The following EGFR variants were observed in gnomAD, a reference collection of about 807,000 sequenced individuals.
EGFR encodes avian erythroblastic leukemia viral (v-erb-b) oncogene homolog.
Under a neutral mutation model 143.0 loss-of-function variants are expected in EGFR, and 58 were observed. The ratio of observed to expected loss-of-function variants is 0.41; its 90% CI spans 0.33 to 0.50. The LOEUF (loss-of-function observed/expected upper bound fraction) is 0.50. EGFR is among the 20% of genes least tolerant of loss of function. The pLI is 0.39. For missense variants in EGFR, 1,307 were observed against 1,579.0 expected (o/e 0.83, Z 2.92); for synonymous variants, 613 against 594.4 (o/e 1.03, Z -0.45).
intron 1 of EGFR, among the ~76,000 whole-genome samples, chr7:55,089,774 G>A (rs544550144): frequency 1.2e-3 from 190 of 152,092 alleles, no homozygotes; most frequent in Admixed American, 2.0e-3. Flanking sequence ...CTAACCTGCC[G>A]GAGCCCATGT....
In EGFR at chr7:55,088,783, A is replaced by G. The variant is rs186663585; in HGVS notation, c.89-53503A>G. On this transcript the variant is annotated intron_variant, in intron 1 of 27. Coordinates refer to ENST00000275493, the MANE Select transcript of EGFR (RefSeq NM_005228.5). ...TTGAAACCAAAATGTTATCCAACTC[A>G]GTCCTGTCCCTTTGACGATGAAAAC... is the stretch of plus-strand genomic sequence containing the variant. Among the ~76,000 whole-genome samples the G allele has an allele frequency of 5.5e-4, 84 of 152,326 alleles. 1 individual carries two copies. The highest frequency in any genetic ancestry group is 1.9e-3 in the African/African-American group (80 of 41,580).
intron 2 of EGFR, 73 bp from the exon 3 acceptor site, chr7:55,143,232 T>C: frequency 3.2e-6 from 5 of 1,571,952 alleles, no homozygotes; most frequent in Non-Finnish European, 4.4e-6. Context: ...TAGGGCTCCC[T>C]GGACCCATTT....
chr7:55,019,402 G>T, intron 1 of EGFR, 37 bp downstream of exon 1: 1 of 1,335,478 alleles, frequency 7.5e-7, no homozygotes, highest in East Asian at 3.7e-5. Context: ...CGCCGCCCCC[G>T]GATCGCGCCC....
chr7:55,038,338 T>TG (rs986336242), intron 1 of EGFR, among the ~76,000 whole-genome samples: 16 of 151,620 alleles, frequency 1.1e-4, no homozygotes, highest in African/African-American at 3.9e-4. Context: ...TTTGGAGGAG[T>TG]CTCACCCTGC....
chr7:55,127,325 T>C (rs1247150128), intron 1 of EGFR, among the ~76,000 whole-genome samples: 3 of 152,198 alleles, frequency 2.0e-5, no homozygotes, highest in Non-Finnish European at 4.4e-5. Context: ...GCCTTCTCAG[T>C]TGTTTCACCA....
At position 55,202,580 on chromosome 7, in the gene EGFR, G is replaced by C. The variant is rs764780987; in HGVS notation, c.3226G>C (p.Ala1076Pro). 3.7e-6 allele frequency: 6 copies of C among 1,613,338 alleles called. No individual in the cohort carries two copies. The African/African-American group carries it at 8.0e-5, about 22-fold the overall frequency. Residue 1076 changes from alanine to proline, a missense_variant, in exon 27 of 28, where the codon GCC (alanine) becomes CCC (proline). Physicochemically the swap from Ala to Pro is conservative, Grantham distance 27. Coordinates refer to ENST00000275493, the MANE Select transcript of EGFR (RefSeq NM_005228.5). ...LQRYSSDPTG[A>P]LTEDSIDDTF... ...GCGATACAGCTCAGACCCCACAGGC[G>C]CCTTGACTGAGGACAGCATAGACGA...
chr7:55,041,385 T>C (rs897110507), intron 1 of EGFR, among the ~76,000 whole-genome samples: 7 of 151,970 alleles, frequency 4.6e-5, no homozygotes, highest in Non-Finnish European at 8.8e-5. Flanking sequence ...CACTCCAGCC[T>C]GGGCAAAAGA....
At chr7:55,117,745 A>G (rs1436256424) in intron 1 of EGFR, among the ~76,000 whole-genome samples, 1 of 152,226 alleles carries the variant, frequency 6.6e-6, no homozygotes, top group African/African-American at 2.4e-5. Flanking sequence ...GAGGGTTTGC[A>G]TATGTGTATG....
At chr7:55,115,633 C>T (rs148945293) in intron 1 of EGFR, among the ~76,000 whole-genome samples, 2,598 of 152,304 alleles carry the variant, frequency 0.017, 29 homozygotes, top group Non-Finnish European at 0.025. Flanking sequence ...TTCAGCTTCA[C>T]ATTCCCATCC....
intron 1 of EGFR, among the ~76,000 whole-genome samples, chr7:55,098,507 T>C (rs1260802359): frequency 6.6e-6 from 1 of 152,174 alleles, no homozygotes; most frequent in Non-Finnish European, 1.5e-5. Flanking sequence ...AAAAAAAACC[T>C]TAAGGCATCA....
intron 1 of EGFR, among the ~76,000 whole-genome samples, chr7:55,131,105 C>T (rs1584114984): frequency 6.6e-6 from 1 of 152,140 alleles, no homozygotes. Flanking sequence ...TACATGAGTC[C>T]TTGTTTTACA....
Position 55,205,535 on chromosome 7 carries a change from A to G in EGFR, c.3551A>G (p.Asn1184Ser), listed in dbSNP as rs779422878. 2.0e-5 allele frequency: 32 copies of G among 1,614,084 alleles called. No homozygotes were observed. The highest frequency in any genetic ancestry group is 2.6e-5 in the Non-Finnish European group (31 of 1,180,036). The change falls in exon 28 of 28, where the codon AAT (asparagine) becomes AGT (serine). Residue 1184 changes from asparagine to serine, a missense_variant. By Grantham distance (46) the Asn-to-Ser change is conservative. This residue lies in a region of EGFR where 313 missense variants were observed against 312.3 expected (regional missense o/e 1.00). Transcript: ENST00000275493. Reference protein sequence around the residue: ...QDFFPKEAKPNGIFKGSTAEN... With the variant: ...QDFFPKEAKPSGIFKGSTAEN... ...TTCTTTCCCAAGGAAGCCAAGCCAA[A>G]TGGCATCTTTAAGGGCTCCACAGCT...
At chr7:55,159,418 A>G (rs543908972) in intron 11 of EGFR, among the ~76,000 whole-genome samples, 32 of 152,116 alleles carry the variant, frequency 2.1e-4, no homozygotes, top group Non-Finnish European at 4.3e-4. Context: ...CAGTCATCTG[A>G]TATACACATT....
chr7:55,041,850 T>C (rs911929658), intron 1 of EGFR, among the ~76,000 whole-genome samples: 6 of 152,186 alleles, frequency 3.9e-5, no homozygotes, highest in Non-Finnish European at 8.8e-5. Context: ...AAAAGTACTG[T>C]TTAAGGAAAC....
chr7:55,153,972 C>T (rs780132960), intron 6 of EGFR, 39 bp from the exon 7 acceptor site: 12 of 1,614,160 alleles, frequency 7.4e-6, no homozygotes, highest in African/African-American at 1.3e-5. Context: ...GCTGAGTGTA[C>T]TTACCTCACT....
At position 55,205,634 on chromosome 7, in the gene EGFR, G is replaced by A. The variant is rs781059291; in HGVS notation, c.*17G>A. On this transcript the variant is annotated 3_prime_UTR_variant, in exon 28 of 28. Coordinates refer to ENST00000275493, the MANE Select transcript of EGFR (RefSeq NM_005228.5). ...GGAGCATGACCACGGAGGATAGTAT[G>A]AGCCCTAAAAATCCAGACTCTTTCG... 12 of 1,614,116 alleles carry A rather than the reference G, an allele frequency of 7.4e-6. No individual in the cohort carries two copies. In the East Asian group the frequency reaches 2.2e-4, roughly 30 times the overall value.
At chr7:55,146,555 G>A (rs200680079) in intron 3 of EGFR, 51 bp from the exon 4 acceptor site, 21 of 1,612,286 alleles carry the variant, frequency 1.3e-5, no homozygotes, top group Non-Finnish European at 1.7e-5. Context: ...TCCTTCATGG[G>A]AATTTAAAGG....
At position 55,206,238 on chromosome 7, in the gene EGFR, A is replaced by T. The variant is rs923920472; in HGVS notation, c.*621A>T. The T allele has an allele frequency of 4.2e-6, 1 of 236,828 alleles. No homozygotes were observed. The highest frequency in any genetic ancestry group is 2.2e-5 in the African/African-American group (1 of 45,370). 14.7% of individuals were successfully genotyped at this position (236,828 alleles called of 1,614,324 possible). A position where few individuals can be genotyped will look rare whatever the true frequency, so the allele number is the denominator to read the frequency against. On this transcript the variant is annotated 3_prime_UTR_variant, in exon 28 of 28. Transcript: ENST00000275493. The stretch of plus-strand genomic sequence containing the variant: ...CCACTCTGTCCCTTCCTGGGCAAAG[A>T]AGAAACGGAGGGGATGGAATTCTTC...
chr7:55,039,890 C>G (rs937467014), intron 1 of EGFR, among the ~76,000 whole-genome samples: 2 of 152,126 alleles, frequency 1.3e-5, no homozygotes, highest in African/African-American at 4.8e-5. Flanking sequence ...TCCTCTGTGC[C>G]GATACCTTTC....
Sources: allele counts gnomAD v4.1 joint callset (sites outside exome capture counted in the v4.1 genomes callset), GRCh38; gene constraint gnomAD v4.1.1; regional missense constraint gnomAD v4.1.1; transcripts MANE v1.5; gene names NCBI Gene and HGNC (gene_info 2026-07-23, HGNC 2026-07-21).